GRM8: variants seen among roughly 807,000 people sequenced by gnomAD.
GRM8 encodes metabotropic glutamate receptor 8.
GRM8 carries 47 observed loss-of-function variants against 87.2 expected under a neutral mutation model. That is an observed-to-expected ratio of 0.54 (90% CI 0.43 to 0.69). The LOEUF is 0.69. Among genes scored for constraint, GRM8 ranks in the 30% least tolerant of loss-of-function variants. The pLI, the probability that GRM8 is intolerant of heterozygous loss-of-function variation, is 0.00. For synonymous variants in GRM8, 396 were observed against 404.5 expected (o/e 0.98, Z 0.25); for missense variants, 1,019 against 1,139.2 (o/e 0.89, Z 1.52).
intron 3 of GRM8, among the ~76,000 whole-genome samples, chr7:127,017,570 A>G (rs182114532): frequency 4.0e-4 from 61 of 152,202 alleles, no homozygotes; most frequent in Non-Finnish European, 3.7e-4. Context: ...ATCATTTTCA[A>G]AGAAGAAGGT....
At chr7:126,706,590 A>T (rs1810550958) in intron 7 of GRM8, among the ~76,000 whole-genome samples, 1 of 152,120 alleles carries the variant, frequency 6.6e-6, no homozygotes, top group South Asian at 2.1e-4. Context: ...TTAAAGGTAA[A>T]TCTCAACCTA....
chr7:127,139,244 A>G (rs1472212638), intron 2 of GRM8, among the ~76,000 whole-genome samples: 3 of 152,148 alleles, frequency 2.0e-5, no homozygotes, highest in Non-Finnish European at 4.4e-5. Flanking sequence ...CACTTTGTAC[A>G]TTAAGTGTGA....
chr7:126,710,632 C>G (rs1255123882), intron 7 of GRM8, among the ~76,000 whole-genome samples: 1 of 152,198 alleles, frequency 6.6e-6, no homozygotes, highest in African/African-American at 2.4e-5. Flanking sequence ...AATTCTAGAT[C>G]TCTTGCTATT....
intron 7 of GRM8, among the ~76,000 whole-genome samples, chr7:126,726,962 T>C (rs1002227618): frequency 6.6e-6 from 1 of 152,080 alleles, no homozygotes; most frequent in African/African-American, 2.4e-5. Context: ...TCTTGATATA[T>C]CATTTTCCTC....
chr7:126,924,916 G>A (rs1421386914), intron 3 of GRM8, among the ~76,000 whole-genome samples: 3 of 152,074 alleles, frequency 2.0e-5, no homozygotes, highest in Non-Finnish European at 4.4e-5. Flanking sequence ...GAACGTCCTG[G>A]AAACTCAGCA....
At chr7:127,081,915 C>A (rs17862286) in intron 3 of GRM8, among the ~76,000 whole-genome samples, 469 of 152,192 alleles carry the variant, frequency 3.1e-3, no homozygotes, top group Non-Finnish European at 5.3e-3. Flanking sequence ...CTGGAGGATG[C>A]AAAGGGGTCA....
intron 7 of GRM8, among the ~76,000 whole-genome samples, chr7:126,769,045 C>T (rs1818546501): frequency 6.6e-6 from 1 of 151,960 alleles, no homozygotes; most frequent in Non-Finnish European, 1.5e-5. Flanking sequence ...ATAGACGGTG[C>T]AGTGCTGTGC....
Position 126,446,340 on chromosome 7 carries a change from G to T in GRM8, c.2463C>A (p.Ser821=). 6.2e-7 allele frequency: 1 copy of T among 1,609,926 alleles called. No individual in the cohort carries two copies. The highest frequency in any genetic ancestry group is 2.2e-5 in the East Asian group (1 of 44,626). ...GAGATACTGAAGCACTTAAACTCATGGAGACAGTAAGTGTTGTTGTCTGGA... is the reference window on the plus strand; with the variant it reads ...GAGATACTGAAGCACTTAAACTCATTGAGACAGTAAGTGTTGTTGTCTGGA... ...MYIQTTTLTV[S]MSLSASVSLG... The change falls in exon 10 of 11, where the codon TCC becomes TCA. Residue 821 remains serine, a synonymous_variant. Transcript: ENST00000339582.
intron 6 of GRM8, among the ~76,000 whole-genome samples, chr7:126,828,569 C>T (rs1414496356): frequency 6.6e-6 from 1 of 152,108 alleles, no homozygotes; most frequent in Non-Finnish European, 1.5e-5. Flanking sequence ...TCCCCTTTAT[C>T]ATTTTTTATT....
At chr7:126,831,140 CT>C (rs1795327800) in intron 6 of GRM8, among the ~76,000 whole-genome samples, 4 of 152,198 alleles carry the variant, frequency 2.6e-5, no homozygotes, top group African/African-American at 9.6e-5. Flanking sequence ...AGTTAGGCTG[CT>C]TGGGGGTCAG....
intron 2 of GRM8, among the ~76,000 whole-genome samples, chr7:127,203,463 C>T (rs767218585): frequency 3.9e-5 from 6 of 152,122 alleles, no homozygotes; most frequent in Non-Finnish European, 7.4e-5. Flanking sequence ...ATCCCAGCAC[C>T]TTGGGAGGCC....
intron 7 of GRM8, among the ~76,000 whole-genome samples, chr7:126,709,846 A>C (rs1172959684): frequency 6.6e-6 from 1 of 152,228 alleles, no homozygotes; most frequent in Non-Finnish European, 1.5e-5. Context: ...ACATTAAAAA[A>C]AGAAAACTCG....
chr7:126,786,931 A>C (rs1820683478), intron 6 of GRM8, among the ~76,000 whole-genome samples: 1 of 152,172 alleles, frequency 6.6e-6, no homozygotes, highest in Non-Finnish European at 1.5e-5. Context: ...TTTCAGCATC[A>C]TATTGTTTTC....
chr7:126,848,416 T>C (rs1173507531), intron 6 of GRM8, among the ~76,000 whole-genome samples: 1 of 152,212 alleles, frequency 6.6e-6, no homozygotes, highest in Admixed American at 6.5e-5. Context: ...TATGTCAATA[T>C]TGTTTATCTT....
chr7:126,965,893 T>C (rs80329691), intron 3 of GRM8, among the ~76,000 whole-genome samples: 1 of 149,484 alleles, frequency 6.7e-6, no homozygotes, highest in Non-Finnish European at 1.5e-5. Flanking sequence ...AATTGAGTGA[T>C]TTTTTTTTTC....
chr7:127,102,381 A>T (rs562666879), intron 3 of GRM8, among the ~76,000 whole-genome samples: 23 of 152,348 alleles, frequency 1.5e-4, no homozygotes, highest in African/African-American at 5.5e-4. Context: ...TATCTAAGAC[A>T]ATGGGGGAAA....
At chr7:126,891,132 G>A (rs1222258511) in intron 6 of GRM8, among the ~76,000 whole-genome samples, 4 of 151,924 alleles carry the variant, frequency 2.6e-5, no homozygotes, top group Admixed American at 6.6e-5. Flanking sequence ...ATCAATGACC[G>A]AATTTCCCAT....
intron 3 of GRM8, among the ~76,000 whole-genome samples, chr7:127,088,134 A>G (rs947500891): frequency 1.3e-5 from 2 of 152,332 alleles, no homozygotes; most frequent in African/African-American, 4.8e-5. Context: ...TTGCCATCCA[A>G]TTAGCTAGTG....
Position 126,903,298 on chromosome 7 carries a change from G to A in GRM8, c.1019-619C>T, listed in dbSNP as rs10256172. ...TGGGAATTTCAGTCACTGTCAAACC[G>A]ACTGGAAAAGATGTTTAGAAGATAG... On this transcript the variant is annotated intron_variant, in intron 5 of 10. Coordinates refer to ENST00000339582, the MANE Select transcript of GRM8 (RefSeq NM_000845.3). Among the ~76,000 whole-genome samples, 1,330 of 152,092 alleles carry A rather than the reference G, an allele frequency of 8.7e-3. 17 individuals are homozygous for A. The highest frequency in any genetic ancestry group is 0.03 in the African/African-American group (1,252 of 41,456).
Sources: gnomAD v4.1 joint callset for allele counts (sites outside exome capture counted in the v4.1 genomes callset) on GRCh38, gnomAD v4.1.1 for gene constraint, MANE v1.5 for transcripts, NCBI Gene and HGNC (gene_info 2026-07-23, HGNC 2026-07-21) for gene names.